ANKRD55: variants seen among roughly 807,000 people sequenced by gnomAD.
ANKRD55 encodes the protein ankyrin repeat domain-containing protein 55.
In ANKRD55, 41 loss-of-function variants were observed where a neutral mutation model predicts 60.6. The ratio of observed to expected loss-of-function variants is 0.68; its 90% CI spans 0.53 to 0.88. The LOEUF (loss-of-function observed/expected upper bound fraction) is 0.88, where lower values mean the gene tolerates loss of function less well. Among genes scored for constraint, ANKRD55 ranks in the 40% least tolerant of loss-of-function variants. The pLI, the probability that ANKRD55 is intolerant of heterozygous loss-of-function variation, is 0.00. For synonymous variants in ANKRD55, 264 were observed against 290.3 expected (o/e 0.91, Z 0.92); for missense variants, 732 against 767.6 (o/e 0.95, Z 0.55).
intron 3 of ANKRD55, among the ~76,000 whole-genome samples, chr5:56,179,558 A>C (rs999738577): frequency 6.6e-6 from 1 of 152,200 alleles, no homozygotes; most frequent in Non-Finnish European, 1.5e-5. Context: ...AGGGTGGAGC[A>C]ACTTGGTTAG....
At chr5:56,196,242 G>T (rs1300681426) in intron 2 of ANKRD55, among the ~76,000 whole-genome samples, 1 of 152,136 alleles carries the variant, frequency 6.6e-6, no homozygotes, top group African/African-American at 2.4e-5. Flanking sequence ...TAAATGTAAG[G>T]TTCTTAGAAC....
chr5:56,216,143 T>C (rs1759801058), intron 2 of ANKRD55, among the ~76,000 whole-genome samples: 1 of 152,012 alleles, frequency 6.6e-6, no homozygotes, highest in Non-Finnish European at 1.5e-5. Flanking sequence ...GATGTGAATA[T>C]TTTATACTCT....
intron 3 of ANKRD55, among the ~76,000 whole-genome samples, chr5:56,181,999 C>T (rs569870906): frequency 3.3e-5 from 5 of 151,840 alleles, no homozygotes; most frequent in Admixed American, 2.0e-4. Context: ...TTTTTTACAT[C>T]GTCTTTGGTT....
At chr5:56,200,023 G>T (rs369734426) in intron 2 of ANKRD55, among the ~76,000 whole-genome samples, 55 of 152,200 alleles carry the variant, frequency 3.6e-4, no homozygotes, top group Middle Eastern at 3.4e-3. Context: ...GTAAAAGTCC[G>T]TAAAAGCCTG....
chr5:56,226,815 A>C (rs1241967643), intron 2 of ANKRD55, among the ~76,000 whole-genome samples: 2 of 152,198 alleles, frequency 1.3e-5, no homozygotes, highest in South Asian at 2.1e-4. Flanking sequence ...TTAGAATGGC[A>C]ATCATTAACA....
intron 2 of ANKRD55, among the ~76,000 whole-genome samples, chr5:56,204,507 G>C (rs557560954): frequency 2.6e-4 from 39 of 152,214 alleles, no homozygotes; most frequent in African/African-American, 7.7e-4. Context: ...TTTGTATAAG[G>C]TGTAAGGAAG....
In ANKRD55 at chr5:56,231,674, C is replaced by T. The variant is rs1041850446; in HGVS notation, c.58+1182G>A. Among the ~76,000 whole-genome samples the T allele has an allele frequency of 1.8e-3, 267 of 151,100 alleles. 1 individual carries two copies. Among genetic ancestry groups the T allele is most frequent in the South Asian group, 0.017 (83 of 4,770 alleles). ...GCGCGCACACACACACACACACACACACACACACACACACACACACACATA... is the reference window on the plus strand; with the variant it reads ...GCGCGCACACACACACACACACACATACACACACACACACACACACACATA... On this transcript the variant is annotated intron_variant, in intron 2 of 11. Transcript: ENST00000341048.
intron 8 of ANKRD55, among the ~76,000 whole-genome samples, chr5:56,121,064 G>A (rs1364328892): frequency 6.6e-6 from 1 of 152,116 alleles, no homozygotes; most frequent in Non-Finnish European, 1.5e-5. Flanking sequence ...AGGCCAAGAT[G>A]GCGCCCGTGC....
chr5:56,171,258 T>C lies in ANKRD55; in HGVS notation c.313-455A>G, dbSNP rs57805000. On this transcript the variant is annotated intron_variant, in intron 4 of 11. Transcript: ENST00000341048. ...CAATGGCTGGGACCCTGCCACCTTG[T>C]TGACTGATCTTTCTGATGCTGAAAG... Among the ~76,000 whole-genome samples the C allele has an allele frequency of 6.0e-4, 91 of 152,338 alleles. 1 individual carries two copies. In the East Asian group the frequency reaches 0.017, roughly 28 times the overall value.
intron 1 of ANKRD55, 63 bp downstream of exon 1, chr5:56,233,178 C>T: frequency 2.3e-6 from 1 of 432,288 alleles, no homozygotes; most frequent in Non-Finnish European, 4.1e-6. Flanking sequence ...CCCTCCACCC[C>T]CAAATCAATA....
intron 2 of ANKRD55, among the ~76,000 whole-genome samples, chr5:56,199,637 T>C (rs1382981047): frequency 6.7e-6 from 1 of 150,160 alleles, no homozygotes; most frequent in Non-Finnish European, 1.5e-5. Context: ...ACGCCTGTAA[T>C]CCCAGCACTT....
At chr5:56,210,166 C>T (rs1377953747) in intron 2 of ANKRD55, among the ~76,000 whole-genome samples, 1 of 151,980 alleles carries the variant, frequency 6.6e-6, no homozygotes, top group Non-Finnish European at 1.5e-5. Flanking sequence ...TGCCACCACC[C>T]CCGAAATGGT....
chr5:56,187,768 T>G (rs1023162781), intron 2 of ANKRD55, among the ~76,000 whole-genome samples: 11 of 152,214 alleles, frequency 7.2e-5, no homozygotes, highest in African/African-American at 2.7e-4. Flanking sequence ...CCACGGCTTC[T>G]AATAGAGCTA....
intron 2 of ANKRD55, among the ~76,000 whole-genome samples, chr5:56,195,816 A>G (rs1332601900): frequency 6.6e-6 from 1 of 152,178 alleles, no homozygotes; most frequent in African/African-American, 2.4e-5. Context: ...ATTTGAGAGG[A>G]TGTTCATTTC....
chr5:56,180,306 C>A (rs955966456), intron 3 of ANKRD55, among the ~76,000 whole-genome samples: 1 of 152,236 alleles, frequency 6.6e-6, no homozygotes, highest in African/African-American at 2.4e-5. Context: ...GGAACACATT[C>A]GAACTATAGC....
chr5:56,136,362 T>C (rs1010589192), intron 7 of ANKRD55, among the ~76,000 whole-genome samples: 1 of 152,150 alleles, frequency 6.6e-6, no homozygotes, highest in Non-Finnish European at 1.5e-5. Flanking sequence ...AGACTTACTA[T>C]AAAGCTACAG....
At chr5:56,191,023 T>C (rs972830261) in intron 2 of ANKRD55, among the ~76,000 whole-genome samples, 2 of 152,252 alleles carry the variant, frequency 1.3e-5, no homozygotes, top group African/African-American at 4.8e-5. Flanking sequence ...TGACCATAAA[T>C]GTATGGGATT....
At position 56,102,527 on chromosome 5, in the gene ANKRD55, G is replaced by T; in HGVS notation, c.1690C>A (p.Arg564=). The T allele has an allele frequency of 6.2e-7, 1 of 1,613,716 alleles. No individual in the cohort carries two copies. Among genetic ancestry groups the T allele is most frequent in the East Asian group, 2.2e-5 (1 of 44,848 alleles). Residue 564 remains arginine (R), a synonymous_variant, in exon 11 of 12, where the codon CGG becomes AGG. Transcript: ENST00000341048. Reference sequence around the variant, plus strand: ...TCTGGTAGGGGAGCTAGGTTGTTCCGAGTGAAAGGAAGATCCCTGATTTTG... The same window carrying T: ...TCTGGTAGGGGAGCTAGGTTGTTCCTAGTGAAAGGAAGATCCCTGATTTTG... The part of the protein sequence containing the change: ...RHKIRDLPFT[R]NNLAPLPDQK...
At chr5:56,232,336 T>C (rs1760277159) in intron 2 of ANKRD55, among the ~76,000 whole-genome samples, 1 of 152,096 alleles carries the variant, frequency 6.6e-6, no homozygotes. Context: ...TACACAACCT[T>C]GGATGAGATA....
Sources: allele counts gnomAD v4.1 joint callset (sites outside exome capture counted in the v4.1 genomes callset), GRCh38; gene constraint gnomAD v4.1.1; transcripts MANE v1.5; gene names NCBI Gene and HGNC (gene_info 2026-07-23, HGNC 2026-07-21).